Variants in PCDHA4 observed in about 807,000 individuals in gnomAD.
The protein encoded by PCDHA4 is protocadherin alpha 4, also known as protocadherin alpha-4.
In PCDHA4, 49 loss-of-function variants were observed where a neutral mutation model predicts 61.4. The observed-to-expected ratio is 0.80, with a 90% CI of 0.63 to 1.01. The LOEUF is 1.01. Ranked by LOEUF, PCDHA4 falls within the 50% of genes least tolerant of loss-of-function variation. The pLI, the probability that PCDHA4 is intolerant of heterozygous loss-of-function variation, is 0.00. For missense variants in PCDHA4, 1,254 were observed against 1,235.8 expected (o/e 1.01, Z -0.22); for synonymous variants, 590 against 550.3 (o/e 1.07, Z -1.01).
chr5:140,830,479 T>G (rs2150187102), intron 1 of PCDHA4: 10 of 1,522,278 alleles, frequency 6.6e-6, no homozygotes, highest in Non-Finnish European at 8.8e-6. Flanking sequence ...AAGATCATGA[T>G]GCCAAAGTAA....
At position 140,879,675 on chromosome 5, in the gene PCDHA4, G is replaced by T. The variant is rs141369145; in HGVS notation, c.2385+70103G>T. ...TATAACAAACGAACACAAACTGGGT[G>T]CTGTAAAACAGCAAAAGTTTATTAT... On this transcript the variant is annotated intron_variant, in intron 1 of 3. Transcript: ENST00000530339. 5.3e-5 allele frequency among the ~76,000 whole-genome samples: 8 copies of T among 152,360 alleles called. No homozygotes were observed. The East Asian group carries it at 1.3e-3, about 26-fold the overall frequency.
chr5:140,883,970 C>A (rs1554180846), intron 1 of PCDHA4: 1 of 1,612,990 alleles, frequency 6.2e-7, no homozygotes, highest in South Asian at 1.1e-5. Context: ...GCTGCTGACG[C>A]CCGGGGCTGG....
intron 1 of PCDHA4, chr5:140,848,580 G>T: frequency 6.3e-7 from 1 of 1,595,144 alleles, no homozygotes; most frequent in Non-Finnish European, 8.6e-7. Context: ...GGTGGGGAGC[G>T]GCCAGCTCCA....
intron 3 of PCDHA4, 171 bp from the exon 4 acceptor site, chr5:141,009,456 C>CAAAT: frequency 3.2e-6 from 3 of 947,762 alleles, no homozygotes; most frequent in Non-Finnish European, 2.5e-6. Flanking sequence ...AAAAATTAAA[C>CAAAT]AAATAAATAA....
chr5:140,881,335 C>T (rs2153378731), intron 1 of PCDHA4: 2 of 984,916 alleles, frequency 2.0e-6, no homozygotes, highest in South Asian at 4.7e-5. Context: ...ACCAGGACGC[C>T]GATTCGGGCT....
At chr5:140,883,355 A>C (rs763058953) in intron 1 of PCDHA4, 36 of 1,613,958 alleles carry the variant, frequency 2.2e-5, no homozygotes, top group Non-Finnish European at 3.0e-5. Context: ...CAGAGAAGAC[A>C]CTCAGCCTAG....
At chr5:140,852,957 C>A in intron 1 of PCDHA4, 1 of 439,404 alleles carries the variant, frequency 2.3e-6, no homozygotes, top group Non-Finnish European at 3.1e-6. Flanking sequence ...TGGCTCACTC[C>A]AAGCTCCCCC....
chr5:140,978,685 CA>C (rs1426574040), intron 1 of PCDHA4, among the ~76,000 whole-genome samples: 2 of 152,242 alleles, frequency 1.3e-5, no homozygotes, highest in African/African-American at 2.4e-5. Context: ...ATGTATTGGG[CA>C]AGGCAAAGCC....
intron 3 of PCDHA4, chr5:140,988,965 TG>T (rs1227130828): frequency 6.6e-6 from 1 of 152,162 alleles, no homozygotes; most frequent in Non-Finnish European, 1.5e-5. Context: ...AGCCCCACGA[TG>T]GAGAGAAGCA....
chr5:140,882,958 C>T (rs1582656438), intron 1 of PCDHA4: 1 of 1,614,040 alleles, frequency 6.2e-7, no homozygotes, highest in Non-Finnish European at 8.5e-7. Flanking sequence ...AGCTGCTCAT[C>T]ACGATTCTGG....
chr5:140,951,762 A>G (rs2094630710), intron 1 of PCDHA4, among the ~76,000 whole-genome samples: 1 of 152,090 alleles, frequency 6.6e-6, no homozygotes, highest in Non-Finnish European at 1.5e-5. Flanking sequence ...GCGAAATCTC[A>G]TGACGTTCTT....
chr5:140,829,176 A>C lies in PCDHA4; in HGVS notation c.2385+19604A>C. 4.3e-6 allele frequency: 7 copies of C among 1,614,178 alleles called. No homozygotes were observed. In the South Asian group the frequency reaches 6.6e-5, roughly 15 times the overall value. Reference sequence around the variant, plus strand: ...TCCTTATCCTTGCCTGTACGTGAAGACGCTCAATTTGGTACTGTCATCGCC... The same window carrying C: ...TCCTTATCCTTGCCTGTACGTGAAGCCGCTCAATTTGGTACTGTCATCGCC... On this transcript the variant is annotated intron_variant, in intron 1 of 3. Transcript: ENST00000530339.
At chr5:140,913,810 T>C (rs2076475017) in intron 1 of PCDHA4, among the ~76,000 whole-genome samples, 1 of 152,224 alleles carries the variant, frequency 6.6e-6, no homozygotes, top group South Asian at 2.1e-4. Context: ...AAATTTTCAA[T>C]TTCCTTTTAA....
chr5:140,831,911 T>C (rs1554133416), intron 1 of PCDHA4, among the ~76,000 whole-genome samples: 1 of 152,164 alleles, frequency 6.6e-6, no homozygotes. Context: ...AGCAAGTGCT[T>C]AAAAAATTTG....
At chr5:140,956,994 A>T (rs2095325479) in intron 1 of PCDHA4, among the ~76,000 whole-genome samples, 1 of 152,168 alleles carries the variant, frequency 6.6e-6, no homozygotes, top group Non-Finnish European at 1.5e-5. Flanking sequence ...AATTCAAGGA[A>T]GTGGTCTGAA....
chr5:140,896,594 C>G (rs1583238277), intron 1 of PCDHA4, among the ~76,000 whole-genome samples: 1 of 150,950 alleles, frequency 6.6e-6, no homozygotes, highest in Non-Finnish European at 1.5e-5. Flanking sequence ...CCAGGCTGGT[C>G]TCGAACTCCT....
intron 1 of PCDHA4, among the ~76,000 whole-genome samples, chr5:140,831,943 A>G (rs2150198508): frequency 2.0e-5 from 3 of 152,236 alleles, no homozygotes; most frequent in Non-Finnish European, 4.4e-5. Context: ...CCGAAGAGGA[A>G]AAGAAAAACT....
In PCDHA4 at chr5:140,846,477, T is replaced by C. The variant is rs1780501842; in HGVS notation, c.2385+36905T>C. ...GCAACCTCTGCCTCCCGGGTTCAAA[T>C]GATTCTCCTTCCTCAGCCTCCCAAG... is the stretch of plus-strand genomic sequence containing the variant. On this transcript the variant is annotated intron_variant, in intron 1 of 3. Coordinates refer to ENST00000530339, the MANE Select transcript of PCDHA4 (RefSeq NM_018907.4). Among the ~76,000 whole-genome samples the C allele has an allele frequency of 1.4e-5, 2 of 143,268 alleles. 1 individual carries two copies. Among genetic ancestry groups the C allele is most frequent in the Non-Finnish European group, 3.1e-5 (2 of 65,332 alleles). 94.0% of individuals were successfully genotyped at this position (143,268 alleles called of 152,430 possible).
chr5:140,966,652 G>C (rs556593659), intron 1 of PCDHA4: 2 of 1,169,200 alleles, frequency 1.7e-6, no homozygotes, highest in Admixed American at 3.9e-5. Context: ...GAGCGTGAGC[G>C]GTGGGGGAGC....
Sources: allele counts gnomAD v4.1 joint callset (sites outside exome capture counted in the v4.1 genomes callset), GRCh38; gene constraint gnomAD v4.1.1; transcripts MANE v1.5; gene names NCBI Gene and HGNC (gene_info 2026-07-23, HGNC 2026-07-21).